The following ACAP2 variants were observed in gnomAD, a reference collection of about 807,000 sequenced individuals.
ACAP2 encodes arf-GAP with coiled-coil, ANK repeat and PH domain-containing protein 2.
ACAP2 carries 39 observed loss-of-function variants against 115.8 expected under a neutral mutation model. The observed-to-expected ratio is 0.34, with a 90% CI of 0.26 to 0.44. The LOEUF (loss-of-function observed/expected upper bound fraction) is 0.44. Among genes scored for constraint, ACAP2 ranks in the 20% least tolerant of loss-of-function variants. The pLI, the probability that ACAP2 is intolerant of heterozygous loss-of-function variation, is 1.00. For missense variants in ACAP2, 662 were observed against 927.6 expected (o/e 0.71, Z 3.72); for synonymous variants, 289 against 315.8 (o/e 0.92, Z 0.90).
chr3:195,362,491 C>T (rs1185737820), intron 4 of ACAP2, among the ~76,000 whole-genome samples: 2 of 152,004 alleles, frequency 1.3e-5, no homozygotes, highest in African/African-American at 4.8e-5. Flanking sequence ...CAGTTATTAC[C>T]TTGATACCAA....
At chr3:195,399,463 C>T (rs533785467) in intron 1 of ACAP2, among the ~76,000 whole-genome samples, 1 of 152,058 alleles carries the variant, frequency 6.6e-6, no homozygotes, top group Non-Finnish European at 1.5e-5. Flanking sequence ...GGATTACAGG[C>T]GTGAGCCATA....
chr3:195,320,428 A>G (rs1402271048), intron 10 of ACAP2, among the ~76,000 whole-genome samples: 2 of 152,216 alleles, frequency 1.3e-5, no homozygotes, highest in Non-Finnish European at 2.9e-5. Context: ...TGAGCTAGCC[A>G]CTATAGACCA....
At chr3:195,351,590 C>T (rs13320698) in intron 4 of ACAP2, among the ~76,000 whole-genome samples, 47,233 of 151,304 alleles carry the variant, frequency 0.31, 8,500 homozygotes, top group East Asian at 0.82. Flanking sequence ...GCCTCCCCAG[C>T]AGTTGGGACC....
At chr3:195,297,423 T>C in intron 15 of ACAP2, 142 bp from the exon 16 acceptor site, 1 of 640,984 alleles carries the variant, frequency 1.6e-6, no homozygotes, top group Non-Finnish European at 2.6e-6. Context: ...AGAAGTTTTA[T>C]GTTAAAACAA....
intron 9 of ACAP2, among the ~76,000 whole-genome samples, chr3:195,322,705 T>A (rs544223736): frequency 1.8e-3 from 273 of 152,348 alleles, no homozygotes; most frequent in African/African-American, 6.3e-3. Context: ...AATATAAATA[T>A]AATTGACTTT....
intron 17 of ACAP2, 84 bp downstream of exon 17, chr3:195,295,624 G>C: frequency 7.0e-7 from 1 of 1,438,210 alleles, no homozygotes; most frequent in Non-Finnish European, 9.6e-7. Flanking sequence ...TAAAAAAAAC[G>C]ACAATGGCTA....
intron 2 of ACAP2, among the ~76,000 whole-genome samples, chr3:195,383,616 G>A (rs1245446511): frequency 6.7e-6 from 1 of 150,370 alleles, no homozygotes; most frequent in Non-Finnish European, 1.5e-5. Context: ...TGAGAAGGAT[G>A]CAAAGCTCAA....
At chr3:195,330,324 C>G (rs542011353) in intron 8 of ACAP2, among the ~76,000 whole-genome samples, 1 of 152,166 alleles carries the variant, frequency 6.6e-6, no homozygotes, top group Non-Finnish European at 1.5e-5. Flanking sequence ...CCACCTCCAA[C>G]CCGGCCATCT....
chr3:195,406,101 A>G (rs1000432507), intron 1 of ACAP2, among the ~76,000 whole-genome samples: 1 of 152,236 alleles, frequency 6.6e-6, no homozygotes, highest in African/African-American at 2.4e-5. Context: ...CTACAAATTT[A>G]GCAGTCTTGT....
intron 20 of ACAP2, among the ~76,000 whole-genome samples, chr3:195,290,309 G>A (rs1727155110): frequency 6.6e-6 from 1 of 152,104 alleles, no homozygotes; most frequent in South Asian, 2.1e-4. Context: ...CAAGGCTGTA[G>A]TGAGCTATGA....
At position 195,287,339 on chromosome 3, in the gene ACAP2, A is replaced by G. The variant is rs146226531; in HGVS notation, c.2175-1482T>C. Among the ~76,000 whole-genome samples, 580 of 152,334 alleles carry G rather than the reference A, an allele frequency of 3.8e-3. 4 individuals carry two copies. The highest frequency in any genetic ancestry group is 0.014 in the African/African-American group (562 of 41,574). The stretch of plus-strand genomic sequence containing the variant: ...AAAATTATTTAAAAGATCACATTAC[A>G]TTTTATTCAAACATTCAGAAGCATG... On this transcript the variant is annotated intron_variant, in intron 21 of 22. Transcript: ENST00000326793.
Position 195,275,826 on chromosome 3 carries a change from C to T in ACAP2, c.*3502G>A. ...ACACTGTAAGTAGCAAAACAGTATA[C>T]AAAGGGATGCTTCTATATTTTCACC... On this transcript the variant is annotated 3_prime_UTR_variant, in exon 23 of 23. Coordinates refer to ENST00000326793, the MANE Select transcript of ACAP2 (RefSeq NM_012287.6). 1 of 152,342 alleles carries T rather than the reference C, an allele frequency of 6.6e-6. No individual in the cohort carries two copies. The highest frequency in any genetic ancestry group is 1.9e-4 in the East Asian group (1 of 5,198). 9.4% of individuals were successfully genotyped at this position (152,342 alleles called of 1,614,324 possible). A position where few individuals can be genotyped will look rare whatever the true frequency, so the allele number is the denominator to read the frequency against.
At chr3:195,331,791 T>A (rs535439850) in intron 8 of ACAP2, among the ~76,000 whole-genome samples, 8 of 152,314 alleles carry the variant, frequency 5.3e-5, no homozygotes, top group African/African-American at 1.9e-4. Context: ...ATAATTTGAA[T>A]ATAATGACAT....
chr3:195,334,080 T>G (rs1008348260), intron 7 of ACAP2, among the ~76,000 whole-genome samples: 4 of 152,088 alleles, frequency 2.6e-5, no homozygotes, highest in Non-Finnish European at 5.9e-5. Context: ...TGGAAGGAAT[T>G]ACATAATTAA....
chr3:195,370,293 A>G (rs1733037445), intron 4 of ACAP2, among the ~76,000 whole-genome samples: 1 of 152,072 alleles, frequency 6.6e-6, no homozygotes, highest in South Asian at 2.1e-4. Context: ...TGCTTTTGGC[A>G]TCTTTGTCAT....
intron 4 of ACAP2, among the ~76,000 whole-genome samples, chr3:195,354,556 TATAAATTCTGG>T (rs1003262151): frequency 1.7e-4 from 26 of 152,220 alleles, no homozygotes; most frequent in Non-Finnish European, 2.9e-5. Context: ...TTAAGTTCCT[TATAAATTCTGG>T]ATATAAGAGC....
intron 20 of ACAP2, among the ~76,000 whole-genome samples, chr3:195,290,201 T>C (rs1488208414): frequency 6.6e-6 from 1 of 151,574 alleles, no homozygotes; most frequent in African/African-American, 2.4e-5. Context: ...GCAAAATGTC[T>C]CTAAAAAAAA....
At chr3:195,417,587 C>T (rs765172274) in intron 1 of ACAP2, among the ~76,000 whole-genome samples, 12 of 152,052 alleles carry the variant, frequency 7.9e-5, no homozygotes, top group African/African-American at 1.5e-4. Context: ...CTCTCTTGCC[C>T]CAATGAAGTT....
rs1475456896 is a variant in ACAP2, at chr3:195,294,796, C to T, written c.1688G>A (p.Ser563Asn). ...SAQSSVRSND[S>N]GIQQSSDDGR... ...ATCATCAGAGCTCTGCTGAATTCCACTGTCATTACTTCTGACTGTTTTAAA... is the reference window on the plus strand; with the variant it reads ...ATCATCAGAGCTCTGCTGAATTCCATTGTCATTACTTCTGACTGTTTTAAA... Residue 563 changes from serine to asparagine, a missense_variant, in exon 18 of 23, where the codon AGT becomes AAT. Ser to Asn is a conservative substitution (Grantham distance 46). Transcript: ENST00000326793. 1 of 1,600,718 alleles carries T rather than the reference C, an allele frequency of 6.2e-7. No individual in the cohort carries two copies.
Sources: gnomAD v4.1 joint callset for allele counts (sites outside exome capture counted in the v4.1 genomes callset) on GRCh38, gnomAD v4.1.1 for gene constraint, MANE v1.5 for transcripts, NCBI Gene and HGNC (gene_info 2026-07-23, HGNC 2026-07-21) for gene names.